Variants in UBQLN1 observed in about 807,000 individuals in gnomAD.
UBQLN1 encodes the protein ubiquilin 1.
UBQLN1 carries 13 observed loss-of-function variants against 65.4 expected under a neutral mutation model. The ratio of observed to expected loss-of-function variants is 0.20; its 90% CI spans 0.13 to 0.32. The LOEUF (loss-of-function observed/expected upper bound fraction) is 0.32, where lower values mean the gene tolerates loss of function less well. Ranked by LOEUF, UBQLN1 falls within the 10% of genes least tolerant of loss-of-function variation. UBQLN1 has a pLI of 1.00. For missense variants in UBQLN1, 561 were observed against 724.0 expected, an observed-to-expected ratio of 0.77 and a Z score of 2.58; for synonymous variants, 267 against 247.8, an observed-to-expected ratio of 1.08 and a Z score of -0.73.
chr9:83,680,642 C>A, intron 3 of UBQLN1, among the ~76,000 whole-genome samples: 1 of 152,196 alleles, frequency 6.6e-6, no homozygotes, highest in East Asian at 1.9e-4. Context: ...CAACTTCCAT[C>A]CCCCACATAC....
intron 7 of UBQLN1, chr9:83,667,260 A>C (rs1831657413): frequency 6.5e-6 from 1 of 152,972 alleles, no homozygotes; most frequent in African/African-American, 2.4e-5. Flanking sequence ...AGAGCTAATA[A>C]ATTCTTGTAG....
chr9:83,676,585 T>C (rs1831836553), intron 6 of UBQLN1, among the ~76,000 whole-genome samples: 1 of 152,220 alleles, frequency 6.6e-6, no homozygotes, highest in African/African-American at 2.4e-5. Context: ...ACAAAACCTA[T>C]ATTATAAACA....
At chr9:83,687,449 A>G (rs918887069) in intron 1 of UBQLN1, among the ~76,000 whole-genome samples, 18 of 152,228 alleles carry the variant, frequency 1.2e-4, no homozygotes, top group African/African-American at 4.3e-4. Context: ...GTCCAAATTC[A>G]GAAAAGAATC....
intron 4 of UBQLN1, among the ~76,000 whole-genome samples, chr9:83,679,226 G>A (rs1217223714): frequency 6.6e-6 from 1 of 152,150 alleles, no homozygotes; most frequent in Non-Finnish European, 1.5e-5. Context: ...TATTAGGAAA[G>A]TAACTTCGAA....
intron 1 of UBQLN1, among the ~76,000 whole-genome samples, chr9:83,688,517 G>C (rs1564169040): frequency 6.6e-6 from 1 of 151,974 alleles, no homozygotes; most frequent in Non-Finnish European, 1.5e-5. Flanking sequence ...TGAACATACA[G>C]TTATATAGCA....
intron 1 of UBQLN1, among the ~76,000 whole-genome samples, chr9:83,693,720 G>GC (rs1832165008): frequency 6.6e-6 from 1 of 152,146 alleles, no homozygotes; most frequent in Non-Finnish European, 1.5e-5. Context: ...GTTCTCAATT[G>GC]TTTTTGAGAA....
chr9:83,693,897 G>A (rs1832167280), intron 1 of UBQLN1, among the ~76,000 whole-genome samples: 2 of 152,188 alleles, frequency 1.3e-5, no homozygotes, highest in Admixed American at 1.3e-4. Flanking sequence ...CAGGAATAGA[G>A]ATACTTATTC....
At chr9:83,664,928 A>G (rs1055430056) in intron 9 of UBQLN1, 102 bp downstream of exon 9, 8 of 606,918 alleles carry the variant, frequency 1.3e-5, no homozygotes, top group Middle Eastern at 3.2e-4. Flanking sequence ...CCCACCAAAA[A>G]AAAAAAAAAA....
intron 8 of UBQLN1, 150 bp from the exon 9 acceptor site, chr9:83,665,295 A>G (rs1831626341): frequency 3.9e-6 from 2 of 509,592 alleles, no homozygotes; most frequent in Non-Finnish European, 6.8e-6. Flanking sequence ...AAATAAACGC[A>G]AGTATCTCCT....
chr9:83,705,408 C>G (rs563613384), intron 1 of UBQLN1, among the ~76,000 whole-genome samples: 9 of 152,292 alleles, frequency 5.9e-5, no homozygotes, highest in African/African-American at 1.9e-4. Flanking sequence ...TGCCACCACG[C>G]CCAGCTAAGT....
chr9:83,690,174 T>C (rs919876575), intron 1 of UBQLN1, among the ~76,000 whole-genome samples: 2 of 152,202 alleles, frequency 1.3e-5, no homozygotes, highest in Non-Finnish European at 2.9e-5. Context: ...ATTACTTGTA[T>C]TGGCCAAAAA....
chr9:83,660,287 G>C lies in UBQLN1; in HGVS notation c.*1500C>G, dbSNP rs1221991311. The C allele has an allele frequency of 6.5e-6, 1 of 152,676 alleles. No individual in the cohort carries two copies. Among genetic ancestry groups the C allele is most frequent in the Non-Finnish European group, 1.5e-5 (1 of 68,012 alleles). The allele number at this position is 152,676 out of a possible 1,614,324, so 9.5% of individuals were successfully genotyped here. A position where few individuals can be genotyped will look rare whatever the true frequency, so the allele number is the denominator to read the frequency against. On this transcript the variant is annotated 3_prime_UTR_variant, in exon 11 of 11. Coordinates refer to ENST00000376395, the MANE Select transcript of UBQLN1 (RefSeq NM_013438.5). ...AATGCAATCAACTTGTATTTCCCTTGATTTTATTGGTCTGAATTCATTTTA... is the reference window on the plus strand; with the variant it reads ...AATGCAATCAACTTGTATTTCCCTTCATTTTATTGGTCTGAATTCATTTTA...
intron 2 of UBQLN1, 128 bp from the exon 3 acceptor site, chr9:83,683,194 C>T (rs1404852624): frequency 2.1e-5 from 11 of 532,658 alleles, no homozygotes; most frequent in East Asian, 6.5e-5. Context: ...TGGCTGATCA[C>T]GAGGTCAAGA....
intron 4 of UBQLN1, among the ~76,000 whole-genome samples, chr9:83,678,809 C>T (rs1260036234): frequency 2.6e-5 from 4 of 152,170 alleles, no homozygotes; most frequent in Non-Finnish European, 5.9e-5. Context: ...CTCCGCCTCC[C>T]GGGTTCACAC....
At chr9:83,680,465 G>C (rs1831922072) in intron 3 of UBQLN1, among the ~76,000 whole-genome samples, 1 of 152,020 alleles carries the variant, frequency 6.6e-6, no homozygotes, top group African/African-American at 2.4e-5. Flanking sequence ...AGTGATTAAA[G>C]GGCTAAAACT....
chr9:83,706,020 TA>T (rs1832399360), intron 1 of UBQLN1, among the ~76,000 whole-genome samples: 1 of 152,142 alleles, frequency 6.6e-6, no homozygotes, highest in South Asian at 2.1e-4. Flanking sequence ...TCTAGTCAAT[TA>T]TAATGTTCTA....
chr9:83,666,692 G>A (rs956931903), intron 7 of UBQLN1: 5 of 332,532 alleles, frequency 1.5e-5, no homozygotes, highest in Non-Finnish European at 1.7e-5. Context: ...AAAAATAAAA[G>A]CAATCATTTT....
At chr9:83,682,773 A>C (rs991339805) in intron 3 of UBQLN1, among the ~76,000 whole-genome samples, 178 bp downstream of exon 3, 6 of 152,264 alleles carry the variant, frequency 3.9e-5, no homozygotes, top group African/African-American at 1.4e-4. Flanking sequence ...ATATGTAAGA[A>C]TATCCATATC....
chr9:83,662,546 A>T (rs1486001185), intron 10 of UBQLN1, among the ~76,000 whole-genome samples: 1 of 148,198 alleles, frequency 6.7e-6, no homozygotes, highest in Non-Finnish European at 1.5e-5. Flanking sequence ...AAATGAAGTT[A>T]AAAAAAAAAA....
Sources: gnomAD v4.1 joint callset for allele counts (sites outside exome capture counted in the v4.1 genomes callset) on GRCh38, gnomAD v4.1.1 for gene constraint, MANE v1.5 for transcripts, NCBI Gene and HGNC (gene_info 2026-07-23, HGNC 2026-07-21) for gene names.